LAIR1: variants seen among roughly 807,000 people sequenced by gnomAD.
LAIR1 encodes the protein leukocyte-associated immunoglobulin-like receptor 1.
LAIR1 carries 24 observed loss-of-function variants against 32.8 expected under a neutral mutation model. The ratio of observed to expected loss-of-function variants is 0.73; its 90% CI spans 0.53 to 1.03. The LOEUF (loss-of-function observed/expected upper bound fraction) is 1.03, where lower values mean the gene tolerates loss of function less well. Among genes scored for constraint, LAIR1 ranks in the 50% least tolerant of loss-of-function variants. LAIR1 has a pLI of 0.00. For missense variants in LAIR1, 355 were observed against 347.5 expected, an observed-to-expected ratio of 1.02 and a Z score of -0.17; for synonymous variants, 150 against 140.5, an observed-to-expected ratio of 1.07 and a Z score of -0.48.
In LAIR1 at chr19:54,352,156, G is replaced by C. The variant is rs895780875; in HGVS notation, c.*3112C>G. 1.3e-5 allele frequency: 2 copies of C among 153,184 alleles called. No homozygotes were observed. Among genetic ancestry groups the C allele is most frequent in the African/African-American group, 4.8e-5 (2 of 41,440 alleles). 9.5% of individuals were successfully genotyped at this position (153,184 alleles called of 1,614,324 possible). A position where few individuals can be genotyped will look rare whatever the true frequency, so the allele number is the denominator to read the frequency against. On this transcript the variant is annotated 3_prime_UTR_variant, in exon 10 of 10. Transcript: ENST00000391742. ...CTGGCCTCTGCCCTGGTTACTCACA[G>C]GGACATCTGTGAATATCTGCTGCTG...
In LAIR1 at chr19:54,353,005, C is replaced by CA. The variant is rs1402644234; in HGVS notation, c.*2262dup. 6.6e-6 allele frequency: 1 copy of CA among 152,054 alleles called. No homozygotes were observed. Among genetic ancestry groups the CA allele is most frequent in the African/African-American group, 2.4e-5 (1 of 41,368 alleles). 9.4% of individuals were successfully genotyped at this position (152,054 alleles called of 1,614,324 possible). A position where few individuals can be genotyped will look rare whatever the true frequency, so the allele number is the denominator to read the frequency against. On this transcript the variant is annotated 3_prime_UTR_variant, in exon 10 of 10. Coordinates refer to ENST00000391742, the MANE Select transcript of LAIR1 (RefSeq NM_002287.6). ...GAGCCCCCCGTCTCTAACAAAAATACAAAAAATTAGCCGTGTGTGGTGGTG... is the reference window on the plus strand; with the variant it reads ...GAGCCCCCCGTCTCTAACAAAAATACAAAAAAATTAGCCGTGTGTGGTGGTG...
At position 54,361,605 on chromosome 19, in the gene LAIR1, C is replaced by A. The variant is rs528689142; in HGVS notation, c.71-396G>T. On this transcript the variant is annotated intron_variant, in intron 2 of 9. Transcript: ENST00000391742. ...TGGTGAAGGACAAGGGACAGAGAAG[C>A]GAGGGCTCTGGAGATGGCTTGTGCT... 1.9e-3 allele frequency among the ~76,000 whole-genome samples: 277 copies of A among 146,424 alleles called. 2 individuals are homozygous for A. Among genetic ancestry groups the A allele is most frequent in the Non-Finnish European group, 3.1e-3 (206 of 65,466 alleles).
At chr19:54,370,569 C>T (rs867579925), upstream of LAIR1, 25 of 334,940 alleles carry the variant, frequency 7.5e-5, 1 homozygote, top group Middle Eastern at 4.2e-3. Context: ...GGGTCAGGAA[C>T]GGAGCAAAAC....
chr19:54,356,448 C>A (rs1360538694), intron 6 of LAIR1, 43 bp downstream of exon 6: 2 of 1,612,278 alleles, frequency 1.2e-6, no homozygotes, highest in Non-Finnish European at 1.7e-6. Flanking sequence ...CTAGCCTCTC[C>A]TGACAGCTTC....
chr19:54,358,558 A>G, intron 4 of LAIR1: 1 of 1,610,998 alleles, frequency 6.2e-7, no homozygotes, highest in Non-Finnish European at 8.5e-7. Context: ...GAAGTTCACA[A>G]GACGGGAGGC....
chr19:54,367,662 T>C (rs978682267), upstream of LAIR1, among the ~76,000 whole-genome samples: 7 of 150,340 alleles, frequency 4.7e-5, no homozygotes, highest in East Asian at 7.9e-4. Context: ...AGGAGAATGG[T>C]GGGAACCCGG....
At chr19:54,375,259 T>A, upstream of LAIR1, among the ~76,000 whole-genome samples, 1 of 151,940 alleles carries the variant, frequency 6.6e-6, no homozygotes. Context: ...CCAGCCCCAA[T>A]CCCTCAATCC....
rs934476339 is a variant in LAIR1, at chr19:54,355,589, A to G, written c.718-175T>C. On this transcript the variant is annotated intron_variant, in intron 9 of 9. Coordinates refer to ENST00000391742, the MANE Select transcript of LAIR1 (RefSeq NM_002287.6). The surrounding 1 kb of genome is among the most constrained non-coding windows in gnomAD (Gnocchi z 4.7). ...GGGGTTGGTTTACGTGACAATGAAC[A>G]AGGCAGAAGGGAAGACTCCTGACTT... Among the ~76,000 whole-genome samples, 3 of 152,156 alleles carry G rather than the reference A, an allele frequency of 2.0e-5. No homozygotes were observed. The highest frequency in any genetic ancestry group is 6.5e-5 in the Admixed American group (1 of 15,280).
In LAIR1 at chr19:54,351,493, A is replaced by G. The variant is rs1442702302; in HGVS notation, c.*3775T>C. The G allele has an allele frequency of 1.3e-5, 2 of 152,236 alleles. No homozygotes were observed. The highest frequency in any genetic ancestry group is 2.9e-5 in the Non-Finnish European group (2 of 68,034). 9.4% of individuals were successfully genotyped at this position (152,236 alleles called of 1,614,324 possible). ...TAAAATCTTTGGTGCAATCAAGTGC[A>G]TACTGCTTCCCAGATCCTACAAGAA... On this transcript the variant is annotated 3_prime_UTR_variant, in exon 10 of 10. Coordinates refer to ENST00000391742, the MANE Select transcript of LAIR1 (RefSeq NM_002287.6).
chr19:54,365,318 C>G (rs2122593003), upstream of LAIR1, among the ~76,000 whole-genome samples: 1 of 146,708 alleles, frequency 6.8e-6, no homozygotes, highest in South Asian at 2.2e-4. Context: ...AAATATCCTA[C>G]AAAGCATATT....
rs1390807226 is a variant in LAIR1, at chr19:54,355,370, C to T, written c.762G>A (p.Leu254=). 7 of 1,613,058 alleles carry T rather than the reference C, an allele frequency of 4.3e-6. No homozygotes were observed. The highest frequency in any genetic ancestry group is 5.9e-6 in the Non-Finnish European group (7 of 1,179,460). ...TCCTCTGTGTGAGGGCCCAGTGGTC[C>T]AGCTGAGCATACGTCACCTCCTGGG... ...GSSQEVTYAQ[L]DHWALTQRTA... Residue 254 remains leucine (L), a synonymous_variant, in exon 10 of 10, where the codon CTG becomes CTA. Coordinates refer to ENST00000391742, the MANE Select transcript of LAIR1 (RefSeq NM_002287.6). The surrounding 1 kb of genome is among the most constrained non-coding windows in gnomAD (Gnocchi z 4.7).
In LAIR1 at chr19:54,353,796, C is replaced by G. The variant is rs1364824585; in HGVS notation, c.*1472G>C. The G allele has an allele frequency of 1.3e-5, 2 of 151,196 alleles. No individual in the cohort carries two copies. The highest frequency in any genetic ancestry group is 3.4e-3 in the Middle Eastern group (1 of 296). 9.4% of individuals were successfully genotyped at this position (151,196 alleles called of 1,614,324 possible). A position where few individuals can be genotyped will look rare whatever the true frequency, so the allele number is the denominator to read the frequency against. ...CGCCCAGGCTGGAGTGCAGTGGCAC[C>G]ACCTCGGCTCACTGCAAACTCCGCC... is the stretch of plus-strand genomic sequence containing the variant. On this transcript the variant is annotated 3_prime_UTR_variant, in exon 10 of 10. Transcript: ENST00000391742.
At chr19:54,358,375 C>T (rs2081834933) in intron 4 of LAIR1, 3 of 167,570 alleles carry the variant, frequency 1.8e-5, no homozygotes, top group African/African-American at 8.0e-5. Flanking sequence ...AATTATCTTC[C>T]TTATATATAT....
At chr19:54,362,768 G>C (rs1368831438) in intron 2 of LAIR1, among the ~76,000 whole-genome samples, 1 of 152,170 alleles carries the variant, frequency 6.6e-6, no homozygotes. Flanking sequence ...TTACAGATGT[G>C]AGCCACCGCA....
intron 4 of LAIR1, chr19:54,358,389 ATATATATAATATATATATATAT>A (rs1278949072): frequency 0.032 from 3,724 of 117,666 alleles, 254 homozygotes; most frequent in African/African-American, 0.19. Context: ...TATATATAAT[ATATATATAATATATATATATAT>A]TATGATGTAA....
chr19:54,356,984 G>A lies in LAIR1; in HGVS notation c.416-18C>T. The stretch of plus-strand genomic sequence containing the variant: ...CGTGGGTCCTGGGAGGGAGGAATCA[G>A]AAGGAGGAGGAGTTAGAGTCCTGAG... On this transcript the variant is annotated intron_variant, in intron 4 of 9. Coordinates refer to ENST00000391742, the MANE Select transcript of LAIR1 (RefSeq NM_002287.6). 1 of 1,612,948 alleles carries A rather than the reference G, an allele frequency of 6.2e-7. No homozygotes were observed. Among genetic ancestry groups the A allele is most frequent in the East Asian group, 2.2e-5 (1 of 44,864 alleles).
rs748127652 is a variant in LAIR1, at chr19:54,360,559, C to T, written c.364+357G>A. ...TTCTGGCTCAGTGGAAAGGAATAAG[C>T]GGGACCATCCATCCCGTGTGAAAAG... On this transcript the variant is annotated intron_variant, in intron 3 of 9. Transcript: ENST00000391742. The T allele has an allele frequency of 9.4e-6, 4 of 424,844 alleles. No individual in the cohort carries two copies. In the East Asian group the frequency reaches 1.2e-4, roughly 12 times the overall value. The allele number at this position is 424,844 out of a possible 1,614,324, so 26.3% of individuals were successfully genotyped here. A position where few individuals can be genotyped will look rare whatever the true frequency, so the allele number is the denominator to read the frequency against.
chr19:54,374,713 C>T (rs1342762023), upstream of LAIR1, among the ~76,000 whole-genome samples: 1 of 152,052 alleles, frequency 6.6e-6, no homozygotes, highest in African/African-American at 2.4e-5. Flanking sequence ...CAGAGGTTCC[C>T]AGAGCTCTTC....
intron 2 of LAIR1, among the ~76,000 whole-genome samples, chr19:54,362,450 C>T (rs1188513830): frequency 1.3e-5 from 2 of 152,156 alleles, no homozygotes; most frequent in Non-Finnish European, 2.9e-5. Context: ...GGTGGACTTC[C>T]AGAAGGGAGG....
Sources: gnomAD v4.1 joint callset for allele counts (sites outside exome capture counted in the v4.1 genomes callset) on GRCh38, gnomAD v4.1.1 for gene constraint, Gnocchi (gnomAD v3.1) non-coding constraint, MANE v1.5 for transcripts, NCBI Gene and HGNC (gene_info 2026-07-23, HGNC 2026-07-21) for gene names.